UBTD1: variants seen among roughly 807,000 people sequenced by gnomAD.
UBTD1 encodes ubiquitin domain-containing protein 1.
In UBTD1, 19 loss-of-function variants were observed where a neutral mutation model predicts 21.7. That is an observed-to-expected ratio of 0.87 (90% CI 0.61 to 1.28). UBTD1 has a LOEUF of 1.28. Among genes scored for constraint, UBTD1 ranks in the 50% most tolerant of loss-of-function variants. The pLI, the probability that UBTD1 is intolerant of heterozygous loss-of-function variation, is 0.00. For missense variants in UBTD1, 282 were observed against 315.1 expected (o/e 0.89, Z 0.80); for synonymous variants, 116 against 135.1 (o/e 0.86, Z 0.98).
In UBTD1 at chr10:97,499,216, G is replaced by C. The variant is rs902371804; in HGVS notation, c.13G>C (p.Val5Leu). 1.3e-6 allele frequency: 2 copies of C among 1,547,856 alleles called. No homozygotes were observed. Among genetic ancestry groups the C allele is most frequent in the Non-Finnish European group, 1.7e-6 (2 of 1,145,688 alleles). MGNC[V>L]GRQRRERPAA... ...CTGAGGAGCCAGCATGGGCAACTGCGTGGGGAGACAGCGCCGGGAGAGGCC... is the reference window on the plus strand; with the variant it reads ...CTGAGGAGCCAGCATGGGCAACTGCCTGGGGAGACAGCGCCGGGAGAGGCC... Residue 5 changes from valine (V) to leucine (L), a missense_variant, in exon 1 of 3, where the codon GTG becomes CTG. Physicochemically the swap from Val to Leu is conservative, Grantham distance 32. Transcript: ENST00000370664.
chr10:97,543,063 C>T (rs1029755611), intron 1 of UBTD1, among the ~76,000 whole-genome samples: 54 of 152,384 alleles, frequency 3.5e-4, no homozygotes, highest in African/African-American at 1.3e-3. Flanking sequence ...GTGGACCACA[C>T]TGGATTGCCT....
chr10:97,569,065 C>T lies in UBTD1; in HGVS notation c.298+924C>T, dbSNP rs557146387. ...CTCAAACTTCCAACTGCAGGTGATC[C>T]GCCCGCCTTGGCCTCCCGAAGTGCT... On this transcript the variant is annotated intron_variant, in intron 2 of 2. Transcript: ENST00000370664. Among the ~76,000 whole-genome samples, 11 of 152,340 alleles carry T rather than the reference C, an allele frequency of 7.2e-5. No homozygotes were observed. The South Asian group carries it at 1.2e-3, about 17-fold the overall frequency.
intron 1 of UBTD1, among the ~76,000 whole-genome samples, chr10:97,520,816 A>G (rs1459506179): frequency 2.0e-5 from 3 of 152,170 alleles, no homozygotes; most frequent in Admixed American, 1.3e-4. Flanking sequence ...CTGTTGGGGT[A>G]AGGAGGTGTT....
At chr10:97,520,383 T>G (rs1336654818) in intron 1 of UBTD1, among the ~76,000 whole-genome samples, 1 of 152,152 alleles carries the variant, frequency 6.6e-6, no homozygotes, top group Non-Finnish European at 1.5e-5. Context: ...AGATGAGCAT[T>G]GAGTTTCTCC....
intron 1 of UBTD1, among the ~76,000 whole-genome samples, chr10:97,562,552 A>G (rs1307909150): frequency 6.6e-6 from 1 of 152,116 alleles, no homozygotes; most frequent in Non-Finnish European, 1.5e-5. Flanking sequence ...AGGGCAGGGG[A>G]GGATATTACA....
chr10:97,524,714 T>A (rs957225886), intron 1 of UBTD1, among the ~76,000 whole-genome samples: 2 of 152,204 alleles, frequency 1.3e-5, no homozygotes, highest in African/African-American at 2.4e-5. Context: ...ACAGACCAAG[T>A]GAGGGGGCAG....
intron 1 of UBTD1, among the ~76,000 whole-genome samples, chr10:97,506,236 G>A (rs1042256164): frequency 6.6e-6 from 1 of 152,224 alleles, no homozygotes; most frequent in South Asian, 2.1e-4. Context: ...CACTGGCACT[G>A]CAGGAAGGCT....
At chr10:97,537,332 C>G (rs1418785461) in intron 1 of UBTD1, among the ~76,000 whole-genome samples, 1 of 152,110 alleles carries the variant, frequency 6.6e-6, no homozygotes, top group East Asian at 1.9e-4. Flanking sequence ...ATTGGGTTAC[C>G]TTGGGGGTCG....
At chr10:97,542,605 C>T (rs183046872) in intron 1 of UBTD1, among the ~76,000 whole-genome samples, 5 of 152,258 alleles carry the variant, frequency 3.3e-5, no homozygotes, top group Admixed American at 3.3e-4. Context: ...AGTCAGGAGG[C>T]GGAGGGTGAA....
At position 97,570,904 on chromosome 10, in the gene UBTD1, T is replaced by G; in HGVS notation, c.*381T>G. 5.0e-6 allele frequency: 1 copy of G among 200,790 alleles called. No homozygotes were observed. Among genetic ancestry groups the G allele is most frequent in the Non-Finnish European group, 1.0e-5 (1 of 96,026 alleles). The allele number at this position is 200,790 out of a possible 1,614,324, so 12.4% of individuals were successfully genotyped here. A position where few individuals can be genotyped will look rare whatever the true frequency, so the allele number is the denominator to read the frequency against. On this transcript the variant is annotated 3_prime_UTR_variant, in exon 3 of 3. Transcript: ENST00000370664. This position sits in a 1 kb window ranked among gnomAD's most constrained non-coding sequence, Gnocchi z 6.6. Reference sequence around the variant, plus strand: ...TGAAGCAGCTGCTGTCTCCCTCCTCTGCCCCCATCCCCTGGCTCTCCCCTG... The same window carrying G: ...TGAAGCAGCTGCTGTCTCCCTCCTCGGCCCCCATCCCCTGGCTCTCCCCTG...
At chr10:97,562,063 A>T (rs1329284384) in intron 1 of UBTD1, among the ~76,000 whole-genome samples, 1 of 151,730 alleles carries the variant, frequency 6.6e-6, no homozygotes, top group Non-Finnish European at 1.5e-5. Flanking sequence ...GCCTCATTAT[A>T]CTCTCCTCCC....
chr10:97,570,310 G>A lies in UBTD1; in HGVS notation c.471G>A (p.Thr157=), dbSNP rs758894209. 11 of 1,613,066 alleles carry A rather than the reference G, an allele frequency of 6.8e-6. No homozygotes were observed. The highest frequency in any genetic ancestry group is 4.0e-5 in the African/African-American group (3 of 74,930). Residue 157 remains threonine (T), a synonymous_variant, in exon 3 of 3, where the codon ACG becomes ACA. Transcript: ENST00000370664. This position sits in a 1 kb window ranked among gnomAD's most constrained non-coding sequence, Gnocchi z 6.6. The stretch of plus-strand genomic sequence containing the variant: ...TCCCGCTGAAGGTGCGCCTGTCCAC[G>A]GGCAAGGACGTGAGGCTCAGCGCCA... ...REFPLKVRLS[T]GKDVRLSASL... is the part of the protein sequence containing the mutation.
chr10:97,514,040 G>A (rs917210356), intron 1 of UBTD1, among the ~76,000 whole-genome samples: 1 of 150,384 alleles, frequency 6.6e-6, no homozygotes, highest in African/African-American at 2.5e-5. Flanking sequence ...AAGGCATTGA[G>A]ATCAAATCTG....
At chr10:97,552,222 A>T (rs937033923) in intron 1 of UBTD1, among the ~76,000 whole-genome samples, 19 of 151,902 alleles carry the variant, frequency 1.3e-4, no homozygotes, top group African/African-American at 3.4e-4. Context: ...AATTTTTTTT[A>T]AATTATCCAG....
chr10:97,539,511 C>CT (rs1397703706), intron 1 of UBTD1, among the ~76,000 whole-genome samples: 1 of 151,656 alleles, frequency 6.6e-6, no homozygotes, highest in Non-Finnish European at 1.5e-5. Flanking sequence ...AGGAGGATCT[C>CT]TTGAGCCCAG....
At chr10:97,523,685 C>G (rs73330757) in intron 1 of UBTD1, among the ~76,000 whole-genome samples, 3 of 151,980 alleles carry the variant, frequency 2.0e-5, no homozygotes, top group African/African-American at 7.3e-5. Context: ...GATTTGGGCA[C>G]CTGGGGGCTG....
At position 97,570,610 on chromosome 10, in the gene UBTD1, A is replaced by G; in HGVS notation, c.*87A>G. On this transcript the variant is annotated 3_prime_UTR_variant, in exon 3 of 3. Transcript: ENST00000370664. This position sits in a 1 kb window ranked among gnomAD's most constrained non-coding sequence, Gnocchi z 6.6. ...GCCTTCCAGTGCTGTCATTTTCTTC[A>G]GGGGCCCTCCCCTCGGTGTGGCTGG... 1 of 1,476,524 alleles carries G rather than the reference A, an allele frequency of 6.8e-7. No individual in the cohort carries two copies. The highest frequency in any genetic ancestry group is 9.1e-7 in the Non-Finnish European group (1 of 1,093,292). 91.5% of individuals were successfully genotyped at this position (1,476,524 alleles called of 1,614,324 possible). A position where few individuals can be genotyped will look rare whatever the true frequency, so the allele number is the denominator to read the frequency against.
chr10:97,559,595 G>C (rs10882966), intron 1 of UBTD1, among the ~76,000 whole-genome samples: 41,136 of 151,828 alleles, frequency 0.27, 5,853 homozygotes, highest in East Asian at 0.49. Context: ...CTTTATATTA[G>C]TGTGTTATTA....
intron 1 of UBTD1, among the ~76,000 whole-genome samples, chr10:97,534,817 C>T (rs1425140913): frequency 1.3e-5 from 2 of 152,168 alleles, no homozygotes; most frequent in African/African-American, 4.8e-5. Flanking sequence ...CAAGGGCCAC[C>T]ATCTGACCCC....
Sources: gnomAD v4.1 joint callset for allele counts (sites outside exome capture counted in the v4.1 genomes callset) on GRCh38, gnomAD v4.1.1 for gene constraint, Gnocchi (gnomAD v3.1) non-coding constraint, MANE v1.5 for transcripts, NCBI Gene and HGNC (gene_info 2026-07-23, HGNC 2026-07-21) for gene names.